The following PPP6R3 variants were observed in gnomAD, a reference collection of about 807,000 sequenced individuals.
PPP6R3 encodes protein phosphatase 6 regulatory subunit 3.
Under a neutral mutation model 110.7 loss-of-function variants are expected in PPP6R3, and 38 were observed. That is an observed-to-expected ratio of 0.34 (90% CI 0.26 to 0.45). The LOEUF is 0.45. Ranked by LOEUF, PPP6R3 falls within the 20% of genes least tolerant of loss-of-function variation. The pLI is 1.00. For missense variants in PPP6R3, 870 were observed against 1,062.4 expected, an observed-to-expected ratio of 0.82 and a Z score of 2.52; for synonymous variants, 369 against 373.5, an observed-to-expected ratio of 0.99 and a Z score of 0.14.
intron 1 of PPP6R3, among the ~76,000 whole-genome samples, chr11:68,465,592 C>A (rs1002006048): frequency 6.6e-6 from 1 of 152,204 alleles, no homozygotes; most frequent in African/African-American, 2.4e-5. Context: ...CTACCAGTGA[C>A]CACCATCTAC....
rs2099447258 is a variant in PPP6R3, at chr11:68,564,351, T to G, written c.894T>G (p.Ala298=). Residue 298 remains alanine (A), a synonymous_variant, in exon 9 of 24, where the codon GCT becomes GCG. Transcript: ENST00000393800. ...GCCCACCAGGCATGAGCCATTCAGC[T>G]TGTTCAGTAAACAAGAGTGTTCTAG... is the stretch of plus-strand genomic sequence containing the variant. ...EICPPGMSHS[A]CSVNKSVLEA... is the part of the protein sequence containing the mutation. The G allele has an allele frequency of 1.2e-6, 2 of 1,613,328 alleles. No individual in the cohort carries two copies. Among genetic ancestry groups the G allele is most frequent in the Non-Finnish European group, 1.7e-6 (2 of 1,179,192 alleles).
At chr11:68,566,971 G>A (rs2099475582) in intron 9 of PPP6R3, 43 bp from the exon 10 acceptor site, 1 of 1,513,936 alleles carries the variant, frequency 6.6e-7, no homozygotes. Context: ...CATTTGCTTT[G>A]TTCATTTAAC....
At chr11:68,506,566 A>G (rs2099079097) in intron 1 of PPP6R3, among the ~76,000 whole-genome samples, 1 of 152,102 alleles carries the variant, frequency 6.6e-6, no homozygotes, top group African/African-American at 2.4e-5. Context: ...ATCACCACAA[A>G]CACTTTTTTG....
At position 68,542,389 on chromosome 11, in the gene PPP6R3, G is replaced by GTTT. The variant is rs34666175; in HGVS notation, c.228-2429_228-2427dup. Among the ~76,000 whole-genome samples the GTTT allele has an allele frequency of 8.5e-4, 34 of 39,864 alleles. 1 individual carries two copies. Among genetic ancestry groups the GTTT allele is most frequent in the South Asian group, 1.8e-3 (1 of 552 alleles). The allele number at this position is 39,864 out of a possible 152,430, so 26.2% of individuals were successfully genotyped here. A position where few individuals can be genotyped will look rare whatever the true frequency, so the allele number is the denominator to read the frequency against. ...ATCTTTGGGTGCTTGAGAAGCTGCT[G>GTTT]TTTTTTTTTTTTTTTTTTTTTTAAG... On this transcript the variant is annotated intron_variant, in intron 3 of 23. Coordinates refer to ENST00000393800, the MANE Select transcript of PPP6R3 (RefSeq NM_001164161.2).
intron 1 of PPP6R3, among the ~76,000 whole-genome samples, chr11:68,483,304 C>T (rs530494209): frequency 6.6e-6 from 1 of 152,244 alleles, no homozygotes; most frequent in East Asian, 1.9e-4. Flanking sequence ...AAATACATAA[C>T]ATAAAGTTTG....
chr11:68,588,396 A>T (rs2099585428), intron 16 of PPP6R3, among the ~76,000 whole-genome samples: 1 of 151,950 alleles, frequency 6.6e-6, no homozygotes, highest in African/African-American at 2.4e-5. Flanking sequence ...GCTACTCAGG[A>T]GGCGGAGGTT....
At chr11:68,508,379 C>G (rs2099090297) in intron 1 of PPP6R3, among the ~76,000 whole-genome samples, 1 of 152,042 alleles carries the variant, frequency 6.6e-6, no homozygotes, top group Non-Finnish European at 1.5e-5. Flanking sequence ...ATCCACCCAC[C>G]TCCACCTCTC....
At chr11:68,479,359 G>A (rs923579881) in intron 1 of PPP6R3, among the ~76,000 whole-genome samples, 20 of 152,176 alleles carry the variant, frequency 1.3e-4, no homozygotes, top group African/African-American at 4.8e-4. Context: ...TCTGTCACAT[G>A]AGGTCAAGGT....
intron 1 of PPP6R3, chr11:68,488,828 G>A (rs975951139): frequency 5.3e-5 from 8 of 152,120 alleles, no homozygotes; most frequent in African/African-American, 1.9e-4. Context: ...AATGCAACAA[G>A]TCTCGCTGCC....
intron 1 of PPP6R3, among the ~76,000 whole-genome samples, chr11:68,467,033 A>C (rs1310079705): frequency 4.6e-5 from 7 of 152,184 alleles, no homozygotes; most frequent in Non-Finnish European, 2.9e-5. Context: ...GAGCCGCTGC[A>C]CCCGGCCCTA....
At chr11:68,592,824 T>C (rs554933078) in intron 18 of PPP6R3, among the ~76,000 whole-genome samples, 2 of 152,334 alleles carry the variant, frequency 1.3e-5, no homozygotes, top group African/African-American at 4.8e-5. Flanking sequence ...TTGTTTCTTA[T>C]GTTGAATGGA....
At chr11:68,490,469 C>G (rs756927751) in intron 1 of PPP6R3, among the ~76,000 whole-genome samples, 1 of 151,236 alleles carries the variant, frequency 6.6e-6, no homozygotes, top group Non-Finnish European at 1.5e-5. Flanking sequence ...GGCATTGTTT[C>G]CTGAACTTTC....
chr11:68,613,490 C>CAATT lies in PPP6R3; in HGVS notation c.*375_*378dup, dbSNP rs1031665630. ...TATTGTATTTGAAACATAACTTTGA[C>CAATT]AATTATTAGTGTGACCAAAGTATTA... On this transcript the variant is annotated 3_prime_UTR_variant, in exon 24 of 24. Transcript: ENST00000393800. 271 of 994,724 alleles carry CAATT rather than the reference C, an allele frequency of 2.7e-4. No homozygotes were observed. In the Middle Eastern group the frequency reaches 3.6e-3, roughly 13 times the overall value. The allele number at this position is 994,724 out of a possible 1,614,324, so 61.6% of individuals were successfully genotyped here.
chr11:68,511,760 C>T (rs1281242775), intron 1 of PPP6R3, among the ~76,000 whole-genome samples: 1 of 133,520 alleles, frequency 7.5e-6, no homozygotes, highest in Non-Finnish European at 1.6e-5. Flanking sequence ...GGATTACAGG[C>T]ATGAGCCACT....
chr11:68,513,765 C>T lies in PPP6R3; in HGVS notation c.-157-5736C>T, dbSNP rs992394100. On this transcript the variant is annotated intron_variant, in intron 1 of 23. Transcript: ENST00000393800. The stretch of plus-strand genomic sequence containing the variant: ...TTGTATATATTGTTTTTGTTTTATG[C>T]GTTTTTTGCACATTTGACTCCACAA... Among the ~76,000 whole-genome samples the T allele has an allele frequency of 3.3e-5, 5 of 152,130 alleles. No individual in the cohort carries two copies. In the East Asian group the frequency reaches 5.8e-4, roughly 18 times the overall value.
Position 68,602,717 on chromosome 11 carries a change from G to A in PPP6R3, c.2300-625G>A, listed in dbSNP as rs546582175. The stretch of plus-strand genomic sequence containing the variant: ...TCCTGAACATTTGATACAGATTCCC[G>A]CATTTGACTCCTCAGTGGTTCTGTA... On this transcript the variant is annotated intron_variant, in intron 21 of 23. Transcript: ENST00000393800. Among the ~76,000 whole-genome samples the A allele has an allele frequency of 6.6e-5, 10 of 152,280 alleles. No individual in the cohort carries two copies. The East Asian group carries it at 1.2e-3, about 18-fold the overall frequency.
chr11:68,461,270 G>T (rs1460181619), intron 1 of PPP6R3, among the ~76,000 whole-genome samples: 1 of 152,032 alleles, frequency 6.6e-6, no homozygotes, highest in Non-Finnish European at 1.5e-5. Context: ...AGCGCGTCAA[G>T]TTGAGGCAGC....
chr11:68,468,639 C>T (rs1434967131), intron 1 of PPP6R3, among the ~76,000 whole-genome samples: 1 of 152,210 alleles, frequency 6.6e-6, no homozygotes, highest in Non-Finnish European at 1.5e-5. Context: ...ACCAGCTGCT[C>T]TGCGGAAGTC....
intron 8 of PPP6R3, among the ~76,000 whole-genome samples, chr11:68,560,412 ATAAGAGACTACTACAAACAATGCAT>A (rs2099414576): frequency 6.6e-6 from 1 of 152,242 alleles, no homozygotes; most frequent in Non-Finnish European, 1.5e-5. Context: ...CAGATGAATA[ATAAGAGACTACTACAAACAATGCAT>A]TAAACAGATT....
Sources: allele counts gnomAD v4.1 joint callset (sites outside exome capture counted in the v4.1 genomes callset), GRCh38; gene constraint gnomAD v4.1.1; transcripts MANE v1.5; gene names NCBI Gene and HGNC (gene_info 2026-07-23, HGNC 2026-07-21).